Variants in NEGR1 observed in about 807,000 individuals in gnomAD.
The protein encoded by NEGR1 is neuronal growth regulator 1.
Under a neutral mutation model 40.9 loss-of-function variants are expected in NEGR1, and 10 were observed. The observed-to-expected ratio is 0.24, with a 90% CI of 0.15 to 0.42. The LOEUF is 0.42. NEGR1 is among the 10% of genes least tolerant of loss of function. NEGR1 has a pLI of 1.00. For synonymous variants in NEGR1, 185 were observed against 166.8 expected (o/e 1.11, Z -0.84); for missense variants, 352 against 438.9 (o/e 0.80, Z 1.77).
intron 4 of NEGR1, among the ~76,000 whole-genome samples, chr1:71,652,191 A>C (rs1414329411): frequency 6.6e-6 from 1 of 152,212 alleles, no homozygotes; most frequent in Non-Finnish European, 1.5e-5. Flanking sequence ...TATTTCTGCC[A>C]ATTGCTTGAG....
At chr1:71,426,677 A>G (rs1297791979) in intron 6 of NEGR1, among the ~76,000 whole-genome samples, 1 of 152,170 alleles carries the variant, frequency 6.6e-6, no homozygotes, top group East Asian at 1.9e-4. Context: ...TCATATCCAG[A>G]TTTGTAAACA....
At chr1:71,735,913 GTCA>G (rs1655027937) in intron 3 of NEGR1, among the ~76,000 whole-genome samples, 1 of 151,958 alleles carries the variant, frequency 6.6e-6, no homozygotes, top group Admixed American at 6.6e-5. Context: ...TACTGAGAAA[GTCA>G]TCTACTTTGT....
chr1:71,957,952 C>A (rs538074815), intron 1 of NEGR1, among the ~76,000 whole-genome samples: 3 of 152,288 alleles, frequency 2.0e-5, no homozygotes, highest in South Asian at 4.1e-4. Context: ...TATACTGAGG[C>A]CTTAATGACA....
intron 2 of NEGR1, among the ~76,000 whole-genome samples, chr1:71,821,556 G>C (rs563405215): frequency 6.6e-6 from 1 of 152,078 alleles, no homozygotes; most frequent in East Asian, 1.9e-4. Flanking sequence ...AGAGTAGAAA[G>C]GGCTCTGAAG....
chr1:71,948,482 CGT>C (rs148586765), intron 1 of NEGR1, among the ~76,000 whole-genome samples: 18 of 146,300 alleles, frequency 1.2e-4, no homozygotes, highest in Non-Finnish European at 2.7e-4. Flanking sequence ...TCAAAAGGGG[CGT>C]GTGTGTGTGT....
chr1:71,995,430 G>A (rs1646495967), intron 1 of NEGR1, among the ~76,000 whole-genome samples: 1 of 151,816 alleles, frequency 6.6e-6, no homozygotes, highest in African/African-American at 2.4e-5. Flanking sequence ...CAGAGAAAGG[G>A]TTTTTGGGAA....
intron 2 of NEGR1, among the ~76,000 whole-genome samples, chr1:71,844,850 T>A (rs1024481393): frequency 3.3e-5 from 5 of 152,160 alleles, no homozygotes; most frequent in African/African-American, 1.2e-4. Flanking sequence ...AGAGATTGTC[T>A]TGTCTTCCTA....
At chr1:71,780,412 A>G (rs186829697) in intron 2 of NEGR1, among the ~76,000 whole-genome samples, 1 of 152,358 alleles carries the variant, frequency 6.6e-6, no homozygotes, top group Admixed American at 6.5e-5. Context: ...GAAAAGGCAG[A>G]AGTCCTAGAT....
intron 6 of NEGR1, among the ~76,000 whole-genome samples, chr1:71,427,096 T>A (rs1462792451): frequency 6.6e-6 from 1 of 152,198 alleles, no homozygotes; most frequent in Non-Finnish European, 1.5e-5. Flanking sequence ...CCTAAAAATG[T>A]CTGTACCTGT....
At chr1:72,215,625 T>C (rs1316606410) in intron 1 of NEGR1, among the ~76,000 whole-genome samples, 1 of 152,128 alleles carries the variant, frequency 6.6e-6, no homozygotes, top group African/African-American at 2.4e-5. Flanking sequence ...TCATCACTGG[T>C]CATTTGAGAA....
At chr1:71,454,330 T>A (rs1646654749) in intron 6 of NEGR1, among the ~76,000 whole-genome samples, 1 of 149,902 alleles carries the variant, frequency 6.7e-6, no homozygotes, top group African/African-American at 2.4e-5. Context: ...GGATCCAACT[T>A]TTTTTTTTCT....
intron 4 of NEGR1, among the ~76,000 whole-genome samples, chr1:71,653,229 C>T (rs1182759790): frequency 6.6e-6 from 1 of 152,176 alleles, no homozygotes; most frequent in Non-Finnish European, 1.5e-5. Flanking sequence ...TACCTCTTTA[C>T]TCTCCTTTTA....
chr1:71,616,182 G>T (rs776457607), intron 4 of NEGR1, among the ~76,000 whole-genome samples: 1 of 152,114 alleles, frequency 6.6e-6, no homozygotes, highest in Non-Finnish European at 1.5e-5. Flanking sequence ...GTTAGGAACC[G>T]GGCCTGTTAG....
intron 1 of NEGR1, among the ~76,000 whole-genome samples, chr1:72,012,967 A>G (rs928166007): frequency 2.0e-5 from 3 of 149,310 alleles, no homozygotes; most frequent in African/African-American, 5.0e-5. Flanking sequence ...AACCAACTGG[A>G]AAAAAAAACA....
chr1:71,535,351 G>C (rs1341412926), intron 6 of NEGR1, among the ~76,000 whole-genome samples: 3 of 151,746 alleles, frequency 2.0e-5, no homozygotes, highest in East Asian at 3.9e-4. Flanking sequence ...CTCAATAAAA[G>C]GATAGTAGAA....
At chr1:72,054,509 T>C (rs968060651) in intron 1 of NEGR1, among the ~76,000 whole-genome samples, 3 of 151,348 alleles carry the variant, frequency 2.0e-5, no homozygotes, top group African/African-American at 7.3e-5. Flanking sequence ...TATTTTAAAA[T>C]ATTGCACCAA....
intron 6 of NEGR1, among the ~76,000 whole-genome samples, chr1:71,581,878 A>G (rs1649149509): frequency 6.6e-6 from 1 of 151,770 alleles, no homozygotes; most frequent in Non-Finnish European, 1.5e-5. Flanking sequence ...AATTTTGTGT[A>G]TTTTTTGTAG....
At chr1:71,849,228 T>C (rs368484643) in intron 2 of NEGR1, among the ~76,000 whole-genome samples, 3 of 152,208 alleles carry the variant, frequency 2.0e-5, no homozygotes, top group African/African-American at 7.2e-5. Context: ...AGGGCATTCA[T>C]GATTCATGAA....
intron 4 of NEGR1, among the ~76,000 whole-genome samples, chr1:71,651,369 C>T (rs870734): frequency 0.037 from 5,578 of 151,934 alleles, 135 homozygotes; most frequent in African/African-American, 0.073. Context: ...TTTTTGAATC[C>T]AGACTGCTTT....
Sources: gnomAD v4.1 joint callset for allele counts (sites outside exome capture counted in the v4.1 genomes callset) on GRCh38, gnomAD v4.1.1 for gene constraint, MANE v1.5 for transcripts, NCBI Gene and HGNC (gene_info 2026-07-23, HGNC 2026-07-21) for gene names.